PDS5B: variants seen among roughly 807,000 people sequenced by gnomAD.
PDS5B encodes sister chromatid cohesion protein PDS5 homolog B.
In PDS5B, 51 loss-of-function variants were observed where a neutral mutation model predicts 184.1. That is an observed-to-expected ratio of 0.28 (90% CI 0.22 to 0.35). PDS5B has a LOEUF of 0.35. PDS5B is among the 10% of genes least tolerant of loss of function. The probability of loss-of-function intolerance (pLI) is 1.00; values close to 1 mark genes in which losing one functional copy is unlikely to be tolerated. For synonymous variants in PDS5B, 566 were observed against 569.2 expected (o/e 0.99, Z 0.08); for missense variants, 1,180 against 1,723.3 (o/e 0.68, Z 5.58).
chr13:32,759,240 A>G (rs1000546825), intron 28 of PDS5B, among the ~76,000 whole-genome samples: 1 of 152,192 alleles, frequency 6.6e-6, no homozygotes, highest in African/African-American at 2.4e-5. Context: ...GCAAAATGCC[A>G]GTTAAGACCT....
At chr13:32,701,535 A>G (rs1951860995) in intron 17 of PDS5B, 97 bp downstream of exon 17, 1 of 686,486 alleles carries the variant, frequency 1.5e-6, no homozygotes, top group Admixed American at 2.4e-5. Context: ...CTAGCTACAC[A>G]TCTGTGTGTA....
At chr13:32,733,985 A>AACACCCACACACACACAC (rs1555312859) in intron 20 of PDS5B, among the ~76,000 whole-genome samples, 9 of 141,972 alleles carry the variant, frequency 6.3e-5, no homozygotes, top group Admixed American at 2.1e-4. Flanking sequence ...CAAAAATTAA[A>AACACCCACACACACACAC]ACACACACAC....
intron 17 of PDS5B, among the ~76,000 whole-genome samples, chr13:32,704,775 T>A (rs1951959678): frequency 6.6e-6 from 1 of 152,224 alleles, no homozygotes; most frequent in Non-Finnish European, 1.5e-5. Context: ...TGAGACTTAG[T>A]ATGTACCTGT....
rs1381317355 is a variant in PDS5B, at chr13:32,692,414, CCTT to C, written c.1470-1808_1470-1806del. On this transcript the variant is annotated intron_variant, in intron 13 of 34. Coordinates refer to ENST00000315596, the MANE Select transcript of PDS5B (RefSeq NM_015032.4). ...ATTAAACAAGTTTGCGTCCAAAAAGCCTTTTTTTTTTTTTTTTTTTTTTTTTTT... is the reference window on the plus strand; with the variant it reads ...ATTAAACAAGTTTGCGTCCAAAAAGCTTTTTTTTTTTTTTTTTTTTTTTTT... Among the ~76,000 whole-genome samples, 188 of 69,128 alleles carry C rather than the reference CCTT, an allele frequency of 2.7e-3. 48 individuals are homozygous for C. The highest frequency in any genetic ancestry group is 6.4e-3 in the African/African-American group (127 of 19,826). 45.4% of individuals were successfully genotyped at this position (69,128 alleles called of 152,430 possible).
At chr13:32,713,796 G>T (rs1952280885) in intron 19 of PDS5B, among the ~76,000 whole-genome samples, 1 of 152,124 alleles carries the variant, frequency 6.6e-6, no homozygotes, top group African/African-American at 2.4e-5. Context: ...GAATCTGGAG[G>T]TGAAGACTCA....
In PDS5B at chr13:32,659,239, C is replaced by A; in HGVS notation, c.583C>A (p.Leu195Ile). The change falls in exon 6 of 35, where the codon CTT becomes ATT. Residue 195 changes from leucine (L) to isoleucine (I), a missense_variant. Physicochemically the swap from Leu to Ile is conservative, Grantham distance 5 (BLOSUM62 2). This residue lies in a region of PDS5B where 79 missense variants were observed against 124.6 expected (regional missense o/e 0.63). Coordinates refer to ENST00000315596, the MANE Select transcript of PDS5B (RefSeq NM_015032.4). ...ICEGDTVSQE[L>I]LDTVLVNLVP... is the part of the protein sequence containing the mutation. ...TGAAGGTGATACAGTGTCTCAGGAG[C>A]TTTTGGATACGGTTTTAGTAAATCT... 6.3e-7 allele frequency: 1 copy of A among 1,595,718 alleles called. No individual in the cohort carries two copies. The highest frequency in any genetic ancestry group is 8.6e-7 in the Non-Finnish European group (1 of 1,168,304).
At chr13:32,597,843 CAA>C (rs779825923) in intron 1 of PDS5B, among the ~76,000 whole-genome samples, 29 of 84,062 alleles carry the variant, frequency 3.4e-4, no homozygotes, top group Admixed American at 5.0e-4. Flanking sequence ...GACTCTGTCT[CAA>C]AAAAAAAAAA....
At chr13:32,646,369 G>GTTTTTTTTTTTTTTTT (rs58539534) in intron 1 of PDS5B, among the ~76,000 whole-genome samples, 1 of 106,070 alleles carries the variant, frequency 9.4e-6, no homozygotes, top group Non-Finnish European at 1.7e-5. Context: ...TCATGGCTGT[G>GTTTTTTTTTTTTTTTT]TTTTTTTTTT....
intron 17 of PDS5B, 26 bp from the exon 18 acceptor site, chr13:32,706,908 A>G: frequency 6.8e-7 from 1 of 1,465,902 alleles, no homozygotes; most frequent in Non-Finnish European, 9.5e-7. Context: ...ACATTTGAAA[A>G]AATGACTTTT....
intron 1 of PDS5B, among the ~76,000 whole-genome samples, chr13:32,589,069 CGT>C (rs2057734163): frequency 6.6e-6 from 1 of 152,122 alleles, no homozygotes; most frequent in Admixed American, 6.5e-5. Flanking sequence ...CTGTATATAA[CGT>C]ATATTGGAAA....
At chr13:32,687,953 TTG>T (rs1951443723) in intron 12 of PDS5B, among the ~76,000 whole-genome samples, 3 of 152,186 alleles carry the variant, frequency 2.0e-5, no homozygotes, top group Non-Finnish European at 4.4e-5. Flanking sequence ...AACTTTATAG[TTG>T]TTTTTATAAA....
intron 19 of PDS5B, among the ~76,000 whole-genome samples, chr13:32,729,094 C>T (rs528329055): frequency 6.6e-6 from 1 of 152,260 alleles, no homozygotes; most frequent in South Asian, 2.1e-4. Flanking sequence ...TCTCCCTCCC[C>T]TTGCCCCCCA....
At chr13:32,695,200 C>T (rs1951667462) in intron 14 of PDS5B, among the ~76,000 whole-genome samples, 2 of 151,730 alleles carry the variant, frequency 1.3e-5, no homozygotes, top group African/African-American at 4.8e-5. Flanking sequence ...CATTTTGTAC[C>T]ACCTTTTTTG....
intron 10 of PDS5B, among the ~76,000 whole-genome samples, chr13:32,683,581 A>G (rs1410359546): frequency 6.6e-6 from 1 of 152,094 alleles, no homozygotes; most frequent in Non-Finnish European, 1.5e-5. Flanking sequence ...CGGCCTCCCA[A>G]AGTGCTGGGA....
intron 7 of PDS5B, among the ~76,000 whole-genome samples, chr13:32,672,315 T>TG (rs11393064): frequency 1 from 152,247 of 152,248 alleles, 76,123 homozygotes; most frequent in Non-Finnish European, 1. Context: ...CCCTCACCCT[T>TG]GGGAGATTAA....
chr13:32,750,780 G>A (rs1953951389), intron 24 of PDS5B, among the ~76,000 whole-genome samples: 1 of 151,986 alleles, frequency 6.6e-6, no homozygotes, highest in South Asian at 2.1e-4. Context: ...GACCTCAGGT[G>A]ATCCACTTGC....
intron 7 of PDS5B, 36 bp downstream of exon 7, chr13:32,667,880 A>G: frequency 7.8e-7 from 1 of 1,289,818 alleles, no homozygotes; most frequent in Non-Finnish European, 1.1e-6. Flanking sequence ...CAGAAGGATT[A>G]AACTGAAAAT....
At position 32,776,485 on chromosome 13, in the gene PDS5B, A is replaced by G. The variant is rs950814808; in HGVS notation, c.*1433A>G. 2 of 152,014 alleles carry G rather than the reference A, an allele frequency of 1.3e-5. No individual in the cohort carries two copies. The highest frequency in any genetic ancestry group is 2.9e-5 in the Non-Finnish European group (2 of 67,930). The allele number at this position is 152,014 out of a possible 1,614,324, so 9.4% of individuals were successfully genotyped here. ...AATTACTTAAGGCAGTATCCTTTATACAGTTGTATAAACTGTATTTTGAAC... is the reference window on the plus strand; with the variant it reads ...AATTACTTAAGGCAGTATCCTTTATGCAGTTGTATAAACTGTATTTTGAAC... On this transcript the variant is annotated 3_prime_UTR_variant, in exon 35 of 35. Transcript: ENST00000315596.
chr13:32,711,789 CACAT>C (rs1454251822), intron 19 of PDS5B, among the ~76,000 whole-genome samples: 2 of 151,766 alleles, frequency 1.3e-5, no homozygotes, highest in African/African-American at 4.9e-5. Context: ...TTGTCGCACA[CACAT>C]ATGTAGTACG....
Sources: allele counts gnomAD v4.1 joint callset (sites outside exome capture counted in the v4.1 genomes callset), GRCh38; gene constraint gnomAD v4.1.1; regional missense constraint gnomAD v4.1.1; transcripts MANE v1.5; gene names NCBI Gene and HGNC (gene_info 2026-07-23, HGNC 2026-07-21).